NT5C1A: variants seen among roughly 807,000 people sequenced by gnomAD.
NT5C1A encodes the protein cytosolic 5'-nucleotidase 1A.
In NT5C1A, 18 loss-of-function variants were observed where a neutral mutation model predicts 31.0. The observed-to-expected ratio is 0.58, with a 90% CI of 0.40 to 0.86. The LOEUF (loss-of-function observed/expected upper bound fraction) is 0.86, where lower values mean the gene tolerates loss of function less well. Ranked by LOEUF, NT5C1A falls within the 40% of genes least tolerant of loss-of-function variation. The pLI is 0.00. For synonymous variants in NT5C1A, 185 were observed against 203.6 expected, an observed-to-expected ratio of 0.91 and a Z score of 0.78; for missense variants, 470 against 505.4, an observed-to-expected ratio of 0.93 and a Z score of 0.67.
Position 39,658,372 on chromosome 1 carries a change from T to C in NT5C1A, c.*749A>G, listed in dbSNP as rs1646473807. Among the ~76,000 whole-genome samples, 1 of 152,186 alleles carries C rather than the reference T, an allele frequency of 6.6e-6. No homozygotes were observed. The highest frequency in any genetic ancestry group is 1.5e-5 in the Non-Finnish European group (1 of 68,030). On this transcript the variant is annotated 3_prime_UTR_variant, in exon 6 of 6. Coordinates refer to ENST00000235628, the MANE Select transcript of NT5C1A (RefSeq NM_032526.3). ...TGTGTAAAATTATAGATAGAGTTGCTGGGGGCGATTTTGCATTTTGTCCAT... is the reference window on the plus strand; with the variant it reads ...TGTGTAAAATTATAGATAGAGTTGCCGGGGGCGATTTTGCATTTTGTCCAT...
intron 1 of NT5C1A, among the ~76,000 whole-genome samples, chr1:39,668,059 G>T (rs1014799687): frequency 6.6e-6 from 1 of 152,236 alleles, no homozygotes; most frequent in African/African-American, 2.4e-5. Context: ...GCATAAGGCA[G>T]TGGCAGGACA....
intron 1 of NT5C1A, among the ~76,000 whole-genome samples, chr1:39,668,888 G>A (rs1036136636): frequency 6.6e-6 from 1 of 152,246 alleles, no homozygotes; most frequent in African/African-American, 2.4e-5. Flanking sequence ...GGCCATGGCT[G>A]TGTAAGAAAT....
rs533785345 is a variant in NT5C1A, at chr1:39,666,499, C to A, written c.136-263G>T. 5.9e-5 allele frequency among the ~76,000 whole-genome samples: 9 copies of A among 152,314 alleles called. No individual in the cohort carries two copies. In the East Asian group the frequency reaches 1.4e-3, roughly 23 times the overall value. On this transcript the variant is annotated intron_variant, in intron 1 of 5. Coordinates refer to ENST00000235628, the MANE Select transcript of NT5C1A (RefSeq NM_032526.3). ...GGCCATGCCCTTGGGAGTTTGCAATCTAGCCAGGCATCTGGACACAAGAAA... is the reference window on the plus strand; with the variant it reads ...GGCCATGCCCTTGGGAGTTTGCAATATAGCCAGGCATCTGGACACAAGAAA...
rs1410038399 is a variant in NT5C1A at position 39,651,629 on chromosome 1, C to T, written c.*7492G>A. On this transcript the variant is annotated 3_prime_UTR_variant, in exon 6 of 6. Transcript: ENST00000235628. ...GGCTTCTGACAGGTAGATACAAGCA[C>T]ATTATGCACACAGGTTTCATTTTTC... Among the ~76,000 whole-genome samples, 1 of 152,198 alleles carries T rather than the reference C, an allele frequency of 6.6e-6. No individual in the cohort carries two copies. Among genetic ancestry groups the T allele is most frequent in the Non-Finnish European group, 1.5e-5 (1 of 68,048 alleles).
At chr1:39,663,661 G>A (rs545991240) in intron 3 of NT5C1A, among the ~76,000 whole-genome samples, 1 of 151,908 alleles carries the variant, frequency 6.6e-6, no homozygotes, top group South Asian at 2.1e-4. Context: ...ACATCCTCTT[G>A]TCAAGGAATC....
In NT5C1A at chr1:39,657,941, C is replaced by A. The variant is rs1570455399; in HGVS notation, c.*1180G>T. Among the ~76,000 whole-genome samples the A allele has an allele frequency of 6.6e-6, 1 of 152,230 alleles. No homozygotes were observed. Among genetic ancestry groups the A allele is most frequent in the Non-Finnish European group, 1.5e-5 (1 of 68,048 alleles). ...CTGACACTTCCCACTTCACCCCAGG[C>A]AGCACCTCACCCTGGGGCTCAGCCT... is the stretch of plus-strand genomic sequence containing the variant. On this transcript the variant is annotated 3_prime_UTR_variant, in exon 6 of 6. Transcript: ENST00000235628.
At chr1:39,664,416 G>A (rs533513977) in intron 3 of NT5C1A, among the ~76,000 whole-genome samples, 32 of 143,130 alleles carry the variant, frequency 2.2e-4, no homozygotes, top group African/African-American at 4.5e-4. Context: ...AAAGTGCTGG[G>A]ATCACAGGTG....
At position 39,665,686 on chromosome 1, in the gene NT5C1A, C is replaced by T. The variant is rs1333745572; in HGVS notation, c.304-36G>A. ...GAGGGCACCCCCCAGCTTAGACCCCCAAGGATTGATACCTGAAGTTGGTGG... is the reference window on the plus strand; with the variant it reads ...GAGGGCACCCCCCAGCTTAGACCCCTAAGGATTGATACCTGAAGTTGGTGG... On this transcript the variant is annotated intron_variant, in intron 2 of 5. Transcript: ENST00000235628. The T allele has an allele frequency of 1.9e-6, 3 of 1,602,090 alleles. No individual in the cohort carries two copies. In the African/African-American group the frequency reaches 4.0e-5, roughly 22 times the overall value.
rs772134054 is a variant in NT5C1A, at chr1:39,666,197, G to A, written c.175C>T (p.Arg59Ter). 14 of 1,613,384 alleles carry A rather than the reference G, an allele frequency of 8.7e-6. No individual in the cohort carries two copies. The highest frequency in any genetic ancestry group is 5.5e-5 in the South Asian group (5 of 91,060). The change falls in exon 2 of 6, where the codon CGA (arginine) becomes TGA (stop). Residue 59 changes from arginine to a stop codon, truncating the protein, a stop_gained. Transcript: ENST00000235628. LOFTEE classifies it high-confidence loss of function. ...QNAVTIAVSS[R>*]ALFRMDEEQQ... ...TCCTCGTCCATGCGAAACAAGGCTCGGGAGGACACAGCGATGGTGACTGCA... is the reference window on the plus strand; with the variant it reads ...TCCTCGTCCATGCGAAACAAGGCTCAGGAGGACACAGCGATGGTGACTGCA...
At position 39,665,661 on chromosome 1, in the gene NT5C1A, G is replaced by C. The variant is rs542856955; in HGVS notation, c.304-11C>G. The C allele has an allele frequency of 8.1e-6, 13 of 1,612,560 alleles. No individual in the cohort carries two copies. The highest frequency in any genetic ancestry group is 4.0e-5 in the African/African-American group (3 of 75,010). Reference sequence around the variant, plus strand: ...CACGGCCTCCAGAGCCTGGAAAGGAGAGGGCACCCCCCAGCTTAGACCCCC... The same window carrying C: ...CACGGCCTCCAGAGCCTGGAAAGGACAGGGCACCCCCCAGCTTAGACCCCC... On this transcript the variant is annotated splice_polypyrimidine_tract_variant and intron_variant, in intron 2 of 5. Transcript: ENST00000235628.
intron 5 of NT5C1A, among the ~76,000 whole-genome samples, chr1:39,660,354 G>A (rs1186473057): frequency 6.6e-6 from 1 of 152,238 alleles, no homozygotes; most frequent in East Asian, 1.9e-4. Context: ...AGAGCTCCCA[G>A]CAGAGCTGGA....
At chr1:39,669,636 G>A (rs1198691637) in intron 1 of NT5C1A, among the ~76,000 whole-genome samples, 1 of 152,230 alleles carries the variant, frequency 6.6e-6, no homozygotes, top group Admixed American at 6.5e-5. Context: ...GTCAGGGGCT[G>A]ATCCAGGGGT....
intron 4 of NT5C1A, among the ~76,000 whole-genome samples, chr1:39,661,630 T>G (rs1428448273): frequency 1.3e-5 from 2 of 152,250 alleles, no homozygotes; most frequent in Non-Finnish European, 2.9e-5. Flanking sequence ...AAGATCATGC[T>G]GCTGTGGACC....
At chr1:39,660,167 C>T (rs1261865134) in intron 5 of NT5C1A, among the ~76,000 whole-genome samples, 1 of 152,208 alleles carries the variant, frequency 6.6e-6, no homozygotes, top group African/African-American at 2.4e-5. Context: ...TCTCCTGGGC[C>T]TCTGCTTACC....
At chr1:39,669,436 C>T (rs1024589256) in intron 1 of NT5C1A, among the ~76,000 whole-genome samples, 8 of 152,176 alleles carry the variant, frequency 5.3e-5, no homozygotes, top group Non-Finnish European at 1.2e-4. Context: ...GAGGTGAGGG[C>T]CTCCAACAGG....
intron 3 of NT5C1A, among the ~76,000 whole-genome samples, chr1:39,664,370 A>G (rs1646507854): frequency 6.9e-6 from 1 of 144,854 alleles, no homozygotes; most frequent in Non-Finnish European, 1.5e-5. Context: ...TAGCAATCCA[A>G]TCTCCTGACC....
At position 39,660,555 on chromosome 1, in the gene NT5C1A, T is replaced by A. The variant is rs371347747; in HGVS notation, c.741+524A>T. Reference sequence around the variant, plus strand: ...ACCCAGCTGGATCTCCCTACCCCAATGAGGCGCCCCAGTCCAGCAATTCCT... The same window carrying A: ...ACCCAGCTGGATCTCCCTACCCCAAAGAGGCGCCCCAGTCCAGCAATTCCT... On this transcript the variant is annotated intron_variant, in intron 5 of 5. Coordinates refer to ENST00000235628, the MANE Select transcript of NT5C1A (RefSeq NM_032526.3). 4.6e-5 allele frequency among the ~76,000 whole-genome samples: 7 copies of A among 152,084 alleles called. No individual in the cohort carries two copies. In the East Asian group the frequency reaches 9.7e-4, roughly 21 times the overall value.
Position 39,672,050 on chromosome 1 carries a change from G to T in NT5C1A, c.-12C>A. On this transcript the variant is annotated 5_prime_UTR_variant, in exon 1 of 6. Coordinates refer to ENST00000235628, the MANE Select transcript of NT5C1A (RefSeq NM_032526.3). ...TGCCCAGGTTCCATGCTCCGGCTCT[G>T]ACCCGGCCCGGCCAGAGCAGGCGGC... 6.3e-7 allele frequency: 1 copy of T among 1,582,320 alleles called. No individual in the cohort carries two copies. The highest frequency in any genetic ancestry group is 1.1e-5 in the South Asian group (1 of 89,290).
At position 39,655,098 on chromosome 1, in the gene NT5C1A, C is replaced by T. The variant is rs555016055; in HGVS notation, c.*4023G>A. 4.6e-5 allele frequency among the ~76,000 whole-genome samples: 7 copies of T among 152,262 alleles called. No individual in the cohort carries two copies. Among genetic ancestry groups the T allele is most frequent in the Admixed American group, 2.6e-4 (4 of 15,292 alleles). On this transcript the variant is annotated 3_prime_UTR_variant, in exon 6 of 6. Coordinates refer to ENST00000235628, the MANE Select transcript of NT5C1A (RefSeq NM_032526.3). ...CTGGGACTACAGGCGTGCACCACCA[C>T]GCCCAGCTAATTTTTGTATTTTTAG...
Sources: gnomAD v4.1 joint callset for allele counts (sites outside exome capture counted in the v4.1 genomes callset) on GRCh38, gnomAD v4.1.1 for gene constraint, MANE v1.5 for transcripts, NCBI Gene and HGNC (gene_info 2026-07-23, HGNC 2026-07-21) for gene names.